CLDN16: variants seen among roughly 807,000 people sequenced by gnomAD.
The protein encoded by CLDN16 is claudin-16.
In CLDN16, 13 loss-of-function variants were observed where a neutral mutation model predicts 24.6. That is an observed-to-expected ratio of 0.53 (90% confidence interval 0.34 to 0.84). The LOEUF (loss-of-function observed/expected upper bound fraction) is 0.84. CLDN16 is among the 40% of genes least tolerant of loss of function. CLDN16 has a pLI of 0.01. For missense variants in CLDN16, 298 were observed against 292.7 expected (o/e 1.02, Z -0.13); for synonymous variants, 116 against 106.7 (o/e 1.09, Z -0.54).
At position 190,338,456 on chromosome 3, in the gene CLDN16, G is replaced by GCC. The variant is rs759401897; in HGVS notation, n.121+15796_121+15797insCC. Among the ~76,000 whole-genome samples, 202 of 152,320 alleles carry GCC rather than the reference G, an allele frequency of 1.3e-3. 1 individual carries two copies. The highest frequency in any genetic ancestry group is 1.9e-3 in the Non-Finnish European group (130 of 68,038). ...AATACTTTTCATACCTACGTGAACT[G>GCC]CAGGTTATCTCTTGGTACCCTCATG... On this transcript the variant is annotated intron_variant and non_coding_transcript_variant, in intron 1 of 4. Coordinates refer to the CLDN16 transcript ENST00000468220.
At chr3:190,293,208 G>A in the CLDN16 span, among the ~76,000 whole-genome samples, 1 of 152,142 alleles carries the variant, frequency 6.6e-6, no homozygotes, top group Non-Finnish European at 1.5e-5. Flanking sequence ...GGAAGTGAAG[G>A]GGTAAGAGCA....
chr3:190,326,874 C>T (rs1024685801), intron 1 of CLDN16, among the ~76,000 whole-genome samples: 1 of 152,142 alleles, frequency 6.6e-6, no homozygotes, highest in African/African-American at 2.4e-5. Flanking sequence ...TCACTTGTGT[C>T]ATTTGGGGAA....
At chr3:190,333,749 A>G (rs754996933) in intron 1 of CLDN16, among the ~76,000 whole-genome samples, 1 of 151,964 alleles carries the variant, frequency 6.6e-6, no homozygotes, top group Non-Finnish European at 1.5e-5. Flanking sequence ...AAATTCTATG[A>G]TTTTTCACTC....
chr3:190,337,519 G>A (rs9880018), intron 1 of CLDN16, among the ~76,000 whole-genome samples: 18,832 of 152,154 alleles, frequency 0.12, 1,297 homozygotes, highest in Middle Eastern at 0.23. Context: ...ATATGTGGAC[G>A]ATAAGAATGC....
At chr3:190,373,202 A>G (rs149495560) in intron 2 of CLDN16, among the ~76,000 whole-genome samples, 53 of 151,004 alleles carry the variant, frequency 3.5e-4, no homozygotes, top group African/African-American at 1.3e-3. Context: ...CAGTGATATG[A>G]TTTTTCTAAC....
At chr3:190,316,325 G>A in the CLDN16 span, among the ~76,000 whole-genome samples, 2 of 152,212 alleles carry the variant, frequency 1.3e-5, no homozygotes, top group African/African-American at 4.8e-5. Context: ...TATTAGATTT[G>A]CATCAAACCC....
chr3:190,321,060 T>C (rs1335038603), upstream of CLDN16, among the ~76,000 whole-genome samples: 4 of 152,200 alleles, frequency 2.6e-5, no homozygotes, highest in Non-Finnish European at 5.9e-5. Flanking sequence ...AGGGGGTCAC[T>C]GAACATCCAT....
At chr3:190,361,993 G>A (rs1374449720) in intron 1 of CLDN16, among the ~76,000 whole-genome samples, 1 of 137,770 alleles carries the variant, frequency 7.3e-6, no homozygotes, top group Admixed American at 7.5e-5. Context: ...TATACAAATG[G>A]CACACCTGGT....
Position 190,367,988 on chromosome 3 carries a change from G to T in CLDN16, n.122-2905G>T, listed in dbSNP as rs75771951. ...CAGAAATCTCTGTAATCTGATTTAC[G>T]TTGGGTCCTGATGTGTTGGGGAAGC... On this transcript the variant is annotated intron_variant and non_coding_transcript_variant, in intron 1 of 4. Coordinates refer to the CLDN16 transcript ENST00000468220. Among the ~76,000 whole-genome samples the T allele has an allele frequency of 5.3e-5, 8 of 151,734 alleles. No individual in the cohort carries two copies. The East Asian group carries it at 1.4e-3, about 26-fold the overall frequency.
intron 1 of CLDN16, among the ~76,000 whole-genome samples, chr3:190,390,298 A>C (rs1440907810): frequency 3.4e-5 from 5 of 146,988 alleles, no homozygotes; most frequent in Admixed American, 2.7e-4. Context: ...ATACTTTGGA[A>C]GGCCGAGGCG....
chr3:190,410,151 A>G lies in CLDN16; in HGVS notation c.*115A>G. 1.7e-6 allele frequency: 2 copies of G among 1,193,342 alleles called. No individual in the cohort carries two copies. Among genetic ancestry groups the G allele is most frequent in the East Asian group, 2.4e-5 (1 of 41,468 alleles). The allele number at this position is 1,193,342 out of a possible 1,614,324, so 73.9% of individuals were successfully genotyped here. ...TTAGAATTCATATTGAATTAAATTA[A>G]TTGCTAGCTTAATCAAAATGTTTGA... On this transcript the variant is annotated 3_prime_UTR_variant, in exon 5 of 5. Transcript: ENST00000264734.
chr3:190,339,566 G>A (rs1044192570), intron 1 of CLDN16, among the ~76,000 whole-genome samples: 9 of 152,120 alleles, frequency 5.9e-5, no homozygotes, highest in African/African-American at 1.9e-4. Context: ...TAATTGAAAA[G>A]GGCTAGAAGT....
intron 1 of CLDN16, among the ~76,000 whole-genome samples, chr3:190,366,564 C>T (rs1474421238): frequency 1.3e-5 from 2 of 151,950 alleles, no homozygotes; most frequent in Non-Finnish European, 2.9e-5. Flanking sequence ...TCCAAACACA[C>T]CTGTAAAAGG....
At chr3:190,380,612 A>G (rs1167478257) in intron 3 of CLDN16, among the ~76,000 whole-genome samples, 5 of 152,126 alleles carry the variant, frequency 3.3e-5, no homozygotes, top group African/African-American at 9.7e-5. Context: ...AAAAGAAACT[A>G]TCAACAGAGT....
the CLDN16 span, among the ~76,000 whole-genome samples, chr3:190,292,070 C>T: frequency 6.6e-6 from 1 of 152,152 alleles, no homozygotes. Flanking sequence ...CTCATAGCTC[C>T]ATTAGGCAGT....
chr3:190,362,444 C>T (rs779038100), intron 1 of CLDN16, among the ~76,000 whole-genome samples: 2 of 151,892 alleles, frequency 1.3e-5, no homozygotes, highest in South Asian at 2.1e-4. Context: ...CAGCACTCCC[C>T]ACTTCCTGAG....
At chr3:190,341,110 C>G (rs888015958) in intron 1 of CLDN16, among the ~76,000 whole-genome samples, 2 of 152,112 alleles carry the variant, frequency 1.3e-5, no homozygotes, top group African/African-American at 4.8e-5. Context: ...TCCAGGTACA[C>G]AGTGCAAGCC....
At chr3:190,372,433 A>G (rs1718161958) in intron 2 of CLDN16, among the ~76,000 whole-genome samples, 1 of 151,892 alleles carries the variant, frequency 6.6e-6, no homozygotes, top group Admixed American at 6.6e-5. Flanking sequence ...ACTTGAGGCC[A>G]GGAGTTTGAG....
At chr3:190,379,670 G>T (rs1261583377) in intron 3 of CLDN16, among the ~76,000 whole-genome samples, 1 of 152,072 alleles carries the variant, frequency 6.6e-6, no homozygotes, top group Admixed American at 6.6e-5. Context: ...ACAGGCAAAA[G>T]AAAGCATCCC....
Sources: gnomAD v4.1 joint callset for allele counts (sites outside exome capture counted in the v4.1 genomes callset) on GRCh38, gnomAD v4.1.1 for gene constraint, MANE v1.5 for transcripts, NCBI Gene and HGNC (gene_info 2026-07-23, HGNC 2026-07-21) for gene names.